Variants in DST observed in about 807,000 individuals in gnomAD.
DST encodes bullous pemphigoid antigen.
In DST, 253 loss-of-function variants were observed where a neutral mutation model predicts 875.2. The ratio of observed to expected loss-of-function variants is 0.29; its 90% CI spans 0.26 to 0.32. DST has a LOEUF of 0.32. Among genes scored for constraint, DST ranks in the 10% least tolerant of loss-of-function variants. The pLI, the probability that DST is intolerant of heterozygous loss-of-function variation, is 1.00. For synonymous variants in DST, 3,124 were observed against 3,197.1 expected (o/e 0.98, Z 0.77); for missense variants, 8,287 against 9,111.6 (o/e 0.91, Z 3.68).
intron 2 of DST, among the ~76,000 whole-genome samples, chr6:56,944,715 A>G (rs1818547155): frequency 6.6e-6 from 1 of 152,178 alleles, no homozygotes; most frequent in Non-Finnish European, 1.5e-5. Context: ...GAAGCTACTG[A>G]AGGATTTTAA....
At position 56,463,067 on chromosome 6, in the gene DST, G is replaced by C. The variant is rs1374363806; in HGVS notation, c.23049C>G (p.Asp7683Glu). 1 of 1,612,526 alleles carries C rather than the reference G, an allele frequency of 6.2e-7. No individual in the cohort carries two copies. The highest frequency in any genetic ancestry group is 8.5e-7 in the Non-Finnish European group (1 of 1,178,820). ...STPCKAAECSDFPVPSAEGTP... is the reference protein window; with the variant it reads ...STPCKAAECSEFPVPSAEGTP... ...ATACCTCTGCAGATGGCACGGGAAA[G>C]TCTGAGCACTCTGCTGCTTTACAAG... is the stretch of plus-strand genomic sequence containing the variant. Residue 7683 changes from aspartate (D) to glutamate (E), a missense_variant, in exon 102 of 104, where the codon GAC (aspartate) becomes GAG (glutamate). Coordinates refer to ENST00000680361, the MANE Select transcript of DST (RefSeq NM_001374736.1).
intron 50 of DST, among the ~76,000 whole-genome samples, chr6:56,578,560 T>C (rs1256123015): frequency 6.6e-6 from 1 of 152,082 alleles, no homozygotes; most frequent in Non-Finnish European, 1.5e-5. Context: ...ACATAGCGAG[T>C]TCCTGTTATG....
intron 10 of DST, among the ~76,000 whole-genome samples, chr6:56,663,124 C>G (rs977296726): frequency 2.0e-5 from 3 of 152,148 alleles, no homozygotes; most frequent in Non-Finnish European, 4.4e-5. Context: ...CAAATTACAT[C>G]TCCCAAACTG....
In DST at chr6:56,900,523, C is replaced by A; in HGVS notation, c.315G>T (p.Gln105His). 2.2e-6 allele frequency: 3 copies of A among 1,367,726 alleles called. No individual in the cohort carries two copies. Among genetic ancestry groups the A allele is most frequent in the Non-Finnish European group, 2.9e-6 (3 of 1,021,860 alleles). The allele number at this position is 1,367,726 out of a possible 1,614,324, so 84.7% of individuals were successfully genotyped here. A position where few individuals can be genotyped will look rare whatever the true frequency, so the allele number is the denominator to read the frequency against. ...TCCTCACTGAAGTTTCTTGCTCACT[C>A]TGATGGTGAACTTCCACCACGGGCT... is the stretch of plus-strand genomic sequence containing the variant. ...EVKPVVEVHH[Q>H]SEQETSVRKR... is the part of the protein sequence containing the mutation. Residue 105 changes from glutamine (Q) to histidine (H), a missense_variant, in exon 3 of 104, where the codon CAG becomes CAT. Coordinates refer to ENST00000680361, the MANE Select transcript of DST (RefSeq NM_001374736.1).
rs1045449346 is a variant in DST, at chr6:56,518,994, G to A, written c.18130-1374C>T. Reference sequence around the variant, plus strand: ...GTACATTAGCTTTTCTCTGTTCTTCGTGGTAAGTACACCTACAAATCCCAG... The same window carrying A: ...GTACATTAGCTTTTCTCTGTTCTTCATGGTAAGTACACCTACAAATCCCAG... On this transcript the variant is annotated intron_variant, in intron 69 of 103. Coordinates refer to ENST00000680361, the MANE Select transcript of DST (RefSeq NM_001374736.1). Among the ~76,000 whole-genome samples the A allele has an allele frequency of 5.3e-5, 8 of 152,170 alleles. 1 individual carries two copies. The highest frequency in any genetic ancestry group is 2.6e-4 in the Admixed American group (4 of 15,278).
At chr6:56,866,675 T>C (rs572317194) in intron 3 of DST, among the ~76,000 whole-genome samples, 6 of 152,308 alleles carry the variant, frequency 3.9e-5, no homozygotes, top group African/African-American at 1.4e-4. Context: ...CCACAGCACT[T>C]ATTACCATCT....
chr6:56,547,145 G>A (rs773535347), intron 61 of DST, among the ~76,000 whole-genome samples: 18 of 152,134 alleles, frequency 1.2e-4, no homozygotes, highest in African/African-American at 3.4e-4. Context: ...AGCCCTTTCC[G>A]AGAAGTATGG....
Position 56,570,015 on chromosome 6 carries a change from A to G in DST, c.13722-3T>C. The G allele has an allele frequency of 6.4e-7, 1 of 1,565,780 alleles. No individual in the cohort carries two copies. Among genetic ancestry groups the G allele is most frequent in the Non-Finnish European group, 8.6e-7 (1 of 1,160,616 alleles). Reference sequence around the variant, plus strand: ...GACAAGAAGTTACAGCTTCTTTTCTACATAACAAAAATCATACAAGAATTT... The same window carrying G: ...GACAAGAAGTTACAGCTTCTTTTCTGCATAACAAAAATCATACAAGAATTT... On this transcript the variant is annotated splice_region_variant and splice_polypyrimidine_tract_variant and intron_variant, in intron 53 of 103. Transcript: ENST00000680361.
intron 75 of DST, among the ~76,000 whole-genome samples, chr6:56,507,247 C>G (rs2096345859): frequency 6.6e-6 from 1 of 152,162 alleles, no homozygotes; most frequent in Non-Finnish European, 1.5e-5. Flanking sequence ...CAGGTAGGAC[C>G]TGTAAGGTAC....
Position 56,714,685 on chromosome 6 carries a change from C to T in DST, c.688-10316G>A, listed in dbSNP as rs573083235. On this transcript the variant is annotated intron_variant, in intron 5 of 103. Transcript: ENST00000680361. The surrounding 1 kb of genome is among the most constrained non-coding windows in gnomAD (Gnocchi z 4.5). ...CTGGAAGATGCTCAGGTCCCAGTGC[C>T]CTAACTAGAGCTTCATGTCCATTCC... Among the ~76,000 whole-genome samples, 13 of 152,240 alleles carry T rather than the reference C, an allele frequency of 8.5e-5. No homozygotes were observed. Among genetic ancestry groups the T allele is most frequent in the African/African-American group, 3.1e-4 (13 of 41,564 alleles).
chr6:56,617,752 A>G (rs2098641798), intron 36 of DST, among the ~76,000 whole-genome samples: 1 of 152,226 alleles, frequency 6.6e-6, no homozygotes, highest in Non-Finnish European at 1.5e-5. Context: ...CACAGATATA[A>G]CAGTATATCT....
At position 56,616,492 on chromosome 6, in the gene DST, C is replaced by T. The variant is rs765817163; in HGVS notation, c.4930-2008G>A. 5.0e-6 allele frequency: 8 copies of T among 1,614,018 alleles called. No homozygotes were observed. Among genetic ancestry groups the T allele is most frequent in the African/African-American group, 2.7e-5 (2 of 74,922 alleles). ...TGACATTGAGATTGGAAATGTTCCT[C>T]TCCCCAAATGGAAACAGAAAGCATT... On this transcript the variant is annotated intron_variant, in intron 36 of 103. Transcript: ENST00000680361.
chr6:56,604,495 G>C lies in DST; in HGVS notation c.10133C>G (p.Ala3378Gly), dbSNP rs767724875. 6.1e-5 allele frequency: 98 copies of C among 1,612,264 alleles called. No individual in the cohort carries two copies. Among genetic ancestry groups the C allele is most frequent in the Non-Finnish European group, 7.1e-5 (84 of 1,179,060 alleles). Reference protein sequence around the residue: ...MNPQEVEEPSACADTKILIQN... With the variant: ...MNPQEVEEPSGCADTKILIQN... ...AATTAAAATTTTAGTGTCTGCACAG[G>C]CTGAAGGTTCTTCAACCTCTTGAGG... Residue 3378 changes from alanine (A) to glycine (G), a missense_variant, in exon 40 of 104, where the codon GCC (alanine) becomes GGC (glycine). This residue lies in a region of DST where 3,138 missense variants were observed against 3,116.6 expected (regional missense o/e 1.01). Transcript: ENST00000680361.
Position 56,592,275 on chromosome 6 carries a change from T to C in DST, c.12810A>G (p.Gly4270=), listed in dbSNP as rs2098290744. The change falls in exon 49 of 104, where the codon GGA becomes GGG. Residue 4270 remains glycine, a synonymous_variant. Transcript: ENST00000680361. ...YEDASCGLLA[G]LQACEATASK... ...TCGCTGTGGCCTCACAGGCCTGGAG[T>C]CCAGCAAGAAGTCCACATGAAGCAT... The C allele has an allele frequency of 6.2e-7, 1 of 1,612,372 alleles. No homozygotes were observed. Among genetic ancestry groups the C allele is most frequent in the Non-Finnish European group, 8.5e-7 (1 of 1,179,174 alleles).
In DST at chr6:56,459,149, C is replaced by G; in HGVS notation, c.23313G>C (p.Val7771=). 2 of 1,613,954 alleles carry G rather than the reference C, an allele frequency of 1.2e-6. No individual in the cohort carries two copies. The highest frequency in any genetic ancestry group is 1.7e-6 in the Non-Finnish European group (2 of 1,179,892). Residue 7771 remains valine (V), a synonymous_variant, in exon 104 of 104, where the codon GTG becomes GTC. Coordinates refer to ENST00000680361, the MANE Select transcript of DST (RefSeq NM_001374736.1). ...GGGGGACAGTTTCCACATCTGAGCACACGGACTGGATTTCTGAAATGTCAA... is the reference window on the plus strand; with the variant it reads ...GGGGGACAGTTTCCACATCTGAGCAGACGGACTGGATTTCTGAAATGTCAA... The part of the protein sequence containing the change: ...SDFDISEIQS[V]CSDVETVPQT...
At chr6:56,550,771 C>G (rs960838260) in intron 61 of DST, among the ~76,000 whole-genome samples, 1 of 152,154 alleles carries the variant, frequency 6.6e-6, no homozygotes, top group Non-Finnish European at 1.5e-5. Flanking sequence ...ATAAACAGTG[C>G]TTGGTTACTG....
rs1024121575 is a variant in DST at position 56,740,142 on chromosome 6, C to T, written c.626-4853G>A. 2.6e-5 allele frequency among the ~76,000 whole-genome samples: 4 copies of T among 152,260 alleles called. No homozygotes were observed. The East Asian group carries it at 7.7e-4, about 29-fold the overall frequency. ...AAGTGTTGGGATTACAAAGTGTAGG[C>T]CAGGCGTGAGCCACCGCACCTGGCC... is the stretch of plus-strand genomic sequence containing the variant. On this transcript the variant is annotated intron_variant, in intron 4 of 103. Coordinates refer to ENST00000680361, the MANE Select transcript of DST (RefSeq NM_001374736.1).
chr6:56,632,201 C>T (rs1463478411), intron 28 of DST, among the ~76,000 whole-genome samples, 161 bp from the exon 29 acceptor site: 1 of 152,056 alleles, frequency 6.6e-6, no homozygotes, highest in East Asian at 1.9e-4. Context: ...AATCTTAAAA[C>T]ATAAATCTTA....
chr6:56,639,697 A>G lies in DST; in HGVS notation c.2696T>C (p.Leu899Ser), dbSNP rs2098868954. 1.2e-6 allele frequency: 2 copies of G among 1,613,582 alleles called. No individual in the cohort carries two copies. Among genetic ancestry groups the G allele is most frequent in the Non-Finnish European group, 8.5e-7 (1 of 1,179,662 alleles). The stretch of plus-strand genomic sequence containing the variant: ...GAAGGTTTAAAAAAAAAAACTTACC[A>G]AGAGTTTTGCATACTGACTCTCTAA... ...HRLESQYAKL[L>S]NTSRNQERHL... The change falls in exon 20 of 104, where the codon TTG becomes TCG. Residue 899 changes from leucine (L) to serine (S), a missense_variant and splice_region_variant. Around this residue, in one of 10 missense-constraint regions of DST, gnomAD observed 1,160 missense variants for 1,424.3 expected, o/e 0.81. Transcript: ENST00000680361.
Sources: allele counts gnomAD v4.1 joint callset (sites outside exome capture counted in the v4.1 genomes callset), GRCh38; gene constraint gnomAD v4.1.1; regional missense constraint gnomAD v4.1.1; non-coding constraint Gnocchi (gnomAD v3.1); transcripts MANE v1.5; gene names NCBI Gene and HGNC (gene_info 2026-07-23, HGNC 2026-07-21).